The following ANKRD12 variants were observed in gnomAD, a reference collection of about 807,000 sequenced individuals.
ANKRD12 encodes ankyrin repeat domain 12, also known as ankyrin repeat domain-containing protein 12.
In ANKRD12, 85 loss-of-function variants were observed where a neutral mutation model predicts 183.4. That is an observed-to-expected ratio of 0.46 (90% CI 0.39 to 0.56). The LOEUF (loss-of-function observed/expected upper bound fraction) is 0.56. ANKRD12 is among the 20% of genes least tolerant of loss of function. ANKRD12 has a pLI of 0.00. For missense variants in ANKRD12, 2,405 were observed against 2,357.1 expected, an observed-to-expected ratio of 1.02 and a Z score of -0.42; for synonymous variants, 914 against 800.2, an observed-to-expected ratio of 1.14 and a Z score of -2.40.
At chr18:9,249,715 T>C (rs2038172769) in intron 8 of ANKRD12, 1 of 152,214 alleles carries the variant, frequency 6.6e-6, no homozygotes. Context: ...TGTGATCAAT[T>C]AGTTGTAAAC....
chr18:9,234,962 A>G (rs2037261001), intron 8 of ANKRD12, among the ~76,000 whole-genome samples: 1 of 152,164 alleles, frequency 6.6e-6, no homozygotes, highest in Non-Finnish European at 1.5e-5. Context: ...TCAGACAAGT[A>G]GGCTGCTTGG....
At chr18:9,262,423 C>T (rs1380765524) in intron 9 of ANKRD12, among the ~76,000 whole-genome samples, 2 of 152,098 alleles carry the variant, frequency 1.3e-5, no homozygotes, top group African/African-American at 2.4e-5. Context: ...ATGGTTATTG[C>T]CATCTCTTGG....
intron 2 of ANKRD12, among the ~76,000 whole-genome samples, chr18:9,183,857 G>A (rs1048485731): frequency 2.0e-5 from 3 of 151,778 alleles, no homozygotes; most frequent in African/African-American, 7.3e-5. Flanking sequence ...GCTCTTTATT[G>A]TATATTTCAT....
At chr18:9,184,965 T>G (rs1170792682) in intron 2 of ANKRD12, among the ~76,000 whole-genome samples, 1 of 152,092 alleles carries the variant, frequency 6.6e-6, no homozygotes, top group Non-Finnish European at 1.5e-5. Flanking sequence ...TACTGAGTGA[T>G]GGGAGGAAAA....
intron 8 of ANKRD12, among the ~76,000 whole-genome samples, chr18:9,252,948 A>C (rs1285097143): frequency 6.6e-6 from 1 of 152,228 alleles, no homozygotes; most frequent in Non-Finnish European, 1.5e-5. Context: ...ATATGTGCAG[A>C]ATTTACATAA....
At position 9,255,657 on chromosome 18, in the gene ANKRD12, T is replaced by C. The variant is rs2038564433; in HGVS notation, c.2390T>C (p.Ile797Thr). Residue 797 changes from isoleucine to threonine, a missense_variant, in exon 9 of 13, where the codon ATA becomes ACA. Transcript: ENST00000262126. ...SLGMSAIEES[I>T]GLHLVEKEID... ...GGTATGAGTGCCATTGAGGAATCTA[T>C]AGGGCTTCATTTAGTGGAAAAGGAA... 6.3e-7 allele frequency: 1 copy of C among 1,586,036 alleles called. No individual in the cohort carries two copies. Among genetic ancestry groups the C allele is most frequent in the Non-Finnish European group, 8.5e-7 (1 of 1,173,040 alleles).
chr18:9,212,652 T>TA (rs2035872163), intron 6 of ANKRD12, among the ~76,000 whole-genome samples: 1 of 151,826 alleles, frequency 6.6e-6, no homozygotes, highest in Admixed American at 6.6e-5. Context: ...TCAATGGAGA[T>TA]ACATGTTTTA....
intron 6 of ANKRD12, among the ~76,000 whole-genome samples, chr18:9,216,213 C>T (rs888990139): frequency 9.2e-5 from 14 of 151,916 alleles, no homozygotes; most frequent in Admixed American, 8.5e-4. Context: ...TTACTTTTAC[C>T]TCTTCTCCCT....
Position 9,230,809 on chromosome 18 carries a change from C to G in ANKRD12, c.943+8810C>G, listed in dbSNP as rs1311105266. ...GAGCAGCTGGGACTACAGATGCGTG[C>G]CATCACACCTGGATAATTTTTGTAT... On this transcript the variant is annotated intron_variant, in intron 8 of 12. Coordinates refer to ENST00000262126, the MANE Select transcript of ANKRD12 (RefSeq NM_015208.5). Among the ~76,000 whole-genome samples, 3 of 151,916 alleles carry G rather than the reference C, an allele frequency of 2.0e-5. No individual in the cohort carries two copies. The East Asian group carries it at 5.8e-4, about 29-fold the overall frequency.
intron 9 of ANKRD12, chr18:9,259,501 C>T (rs1213369033): frequency 3.9e-5 from 6 of 152,154 alleles, no homozygotes; most frequent in Admixed American, 1.3e-4. Flanking sequence ...AATATTCATA[C>T]TGTCACCTTT....
chr18:9,254,616 C>A lies in ANKRD12; in HGVS notation c.1349C>A (p.Ser450Ter). Reference protein sequence around the residue: ...STSCSVIPETSNSDMQTKKEY... With the variant: ...STSCSVIPET ...TCATGTTCCGTCATCCCTGAAACAT[C>A]AAATTCTGATATGCAAACCAAAAAG... Residue 450 changes from serine (S) to a stop codon, truncating the protein, a stop_gained, in exon 9 of 13, where the codon TCA becomes TAA. Transcript: ENST00000262126. LOFTEE classifies it high-confidence loss of function. The A allele has an allele frequency of 6.3e-7, 1 of 1,584,722 alleles. No homozygotes were observed. Among genetic ancestry groups the A allele is most frequent in the Non-Finnish European group, 8.6e-7 (1 of 1,168,866 alleles).
chr18:9,240,462 A>G (rs529685455), intron 8 of ANKRD12, among the ~76,000 whole-genome samples: 48 of 152,228 alleles, frequency 3.2e-4, no homozygotes, highest in Non-Finnish European at 6.2e-4. Flanking sequence ...CATAAACCAT[A>G]ATCGTGGAAA....
chr18:9,200,184 C>T (rs1406824232), intron 3 of ANKRD12, among the ~76,000 whole-genome samples: 3 of 152,036 alleles, frequency 2.0e-5, no homozygotes, highest in Non-Finnish European at 4.4e-5. Flanking sequence ...AAAACACTTT[C>T]TAGAAAAGTA....
intron 2 of ANKRD12, among the ~76,000 whole-genome samples, chr18:9,187,015 C>G (rs2034127698): frequency 6.6e-6 from 1 of 152,114 alleles, no homozygotes; most frequent in South Asian, 2.1e-4. Flanking sequence ...CCCACCTCAG[C>G]CTCCCAAAGT....
At chr18:9,202,707 A>C (rs1168160480) in intron 3 of ANKRD12, among the ~76,000 whole-genome samples, 1 of 152,242 alleles carries the variant, frequency 6.6e-6, no homozygotes, top group African/African-American at 2.4e-5. Flanking sequence ...TCTCAATCTC[A>C]TAAACAGTGG....
In ANKRD12 at chr18:9,226,295, C is replaced by A. The variant is rs1043163120; in HGVS notation, c.943+4296C>A. On this transcript the variant is annotated intron_variant, in intron 8 of 12. Transcript: ENST00000262126. ...AAAAACTTAGCTGGGCGTGGTGGTG[C>A]GTGCCTGTAGTCCCAGCTACTCAGG... Among the ~76,000 whole-genome samples the A allele has an allele frequency of 1.3e-4, 20 of 152,050 alleles. No individual in the cohort carries two copies. In the East Asian group the frequency reaches 3.9e-3, roughly 29 times the overall value.
Position 9,263,810 on chromosome 18 carries a change from G to A in ANKRD12, c.5685G>A (p.Leu1895=). The A allele has an allele frequency of 3.2e-6, 5 of 1,566,732 alleles. No homozygotes were observed. The highest frequency in any genetic ancestry group is 3.5e-6 in the Non-Finnish European group (4 of 1,147,064). Residue 1895 remains leucine (L), a synonymous_variant, in exon 10 of 13, where the codon CTG becomes CTA. Transcript: ENST00000262126. ...CIPTITPPPS[L]SDPLKELFRQ... ...ATTAGATTACACCACCACCTTCACT[G>A]TCAGATCCACTTAAAGAGCTTTTTC...
chr18:9,154,347 G>A (rs2030054256), intron 1 of ANKRD12, among the ~76,000 whole-genome samples: 1 of 152,076 alleles, frequency 6.6e-6, no homozygotes, highest in South Asian at 2.1e-4. Flanking sequence ...GATCACTTGA[G>A]ACTGCAGTGC....
At chr18:9,238,182 C>G (rs1393564306) in intron 8 of ANKRD12, among the ~76,000 whole-genome samples, 1 of 152,148 alleles carries the variant, frequency 6.6e-6, no homozygotes, top group Non-Finnish European at 1.5e-5. Flanking sequence ...TCTTCCTTCT[C>G]AATTTCCTCC....
Sources: allele counts gnomAD v4.1 joint callset (sites outside exome capture counted in the v4.1 genomes callset), GRCh38; gene constraint gnomAD v4.1.1; transcripts MANE v1.5; gene names NCBI Gene and HGNC (gene_info 2026-07-23, HGNC 2026-07-21).